Variants in HNRNPK observed in about 807,000 individuals in gnomAD.
The protein encoded by HNRNPK is heterogeneous nuclear ribonucleoprotein K.
Under a neutral mutation model 67.0 loss-of-function variants are expected in HNRNPK, and 7 were observed. That is an observed-to-expected ratio of 0.10 (90% CI 0.06 to 0.20). HNRNPK has a LOEUF of 0.20. HNRNPK is among the 10% of genes least tolerant of loss of function. The pLI is 1.00. For missense variants in HNRNPK, 264 were observed against 606.5 expected (o/e 0.44, Z 5.93); for synonymous variants, 213 against 193.7 (o/e 1.10, Z -0.83).
intron 6 of HNRNPK, 62 bp from the exon 7 acceptor site, chr9:83,974,651 G>T (rs1956996235): frequency 9.1e-7 from 1 of 1,096,522 alleles, no homozygotes; most frequent in Non-Finnish European, 1.4e-6. Context: ...TGAGTTTTGT[G>T]TTTGTCACCA....
intron 5 of HNRNPK, among the ~76,000 whole-genome samples, chr9:83,976,269 A>G (rs1246628445): frequency 6.6e-6 from 1 of 152,236 alleles, no homozygotes; most frequent in Non-Finnish European, 1.5e-5. Context: ...AGTACTCGAC[A>G]CAAAGTTATT....
chr9:83,974,097 T>C, intron 7 of HNRNPK, 124 bp from the exon 8 acceptor site: 1 of 603,248 alleles, frequency 1.7e-6, no homozygotes, highest in Non-Finnish European at 2.9e-6. Context: ...AGAAACTGCT[T>C]TATTCAACAT....
intron 7 of HNRNPK, 150 bp from the exon 8 acceptor site, chr9:83,974,123 CATAAAAT>C (rs2133043030): frequency 3.7e-6 from 2 of 544,470 alleles, no homozygotes; most frequent in Non-Finnish European, 6.5e-6. Context: ...CGATTCAAAA[CATAAAAT>C]ATTTTTCTCT....
intron 7 of HNRNPK, among the ~76,000 whole-genome samples, 180 bp from the exon 8 acceptor site, chr9:83,974,153 T>G (rs1428978434): frequency 6.6e-6 from 1 of 152,178 alleles, no homozygotes; most frequent in Non-Finnish European, 1.5e-5. Context: ...ATACACCTAG[T>G]GAATTATGTA....
Position 83,968,335 on chromosome 9 carries a change from T to TGGTA in HNRNPK, c.*1068_*1071dup, listed in dbSNP as rs2133001170. 6.6e-6 allele frequency: 1 copy of TGGTA among 151,910 alleles called. No homozygotes were observed. The highest frequency in any genetic ancestry group is 2.4e-5 in the African/African-American group (1 of 41,274). 9.4% of individuals were successfully genotyped at this position (151,910 alleles called of 1,614,324 possible). On this transcript the variant is annotated 3_prime_UTR_variant, in exon 17 of 17. Transcript: ENST00000376263. The stretch of plus-strand genomic sequence containing the variant: ...CATAATCCAACATACAACAGAGAAA[T>TGGTA]GGTACATCTTTTTCTTTCAATTTGC...
chr9:83,975,407 A>C, intron 6 of HNRNPK, 55 bp downstream of exon 6: 1 of 1,504,908 alleles, frequency 6.6e-7, no homozygotes, highest in Non-Finnish European at 9.3e-7. Context: ...GCAGGTAATA[A>C]AATACATTTC....
Position 83,969,186 on chromosome 9 carries a change from C to T in HNRNPK, c.*221G>A, listed in dbSNP as rs370696476. 2 of 564,326 alleles carry T rather than the reference C, an allele frequency of 3.5e-6. No homozygotes were observed. Among genetic ancestry groups the T allele is most frequent in the East Asian group, 2.8e-5 (1 of 35,562 alleles). The allele number at this position is 564,326 out of a possible 1,614,324, so 35.0% of individuals were successfully genotyped here. A position where few individuals can be genotyped will look rare whatever the true frequency, so the allele number is the denominator to read the frequency against. On this transcript the variant is annotated 3_prime_UTR_variant, in exon 17 of 17. Coordinates refer to ENST00000376263, the MANE Select transcript of HNRNPK (RefSeq NM_031263.4). ...GTTAGTTTTTGCACGCCCTTCCCCC[C>T]CCCAACCCTGTTTGTAAGGAACTAA...
intron 1 of HNRNPK, among the ~76,000 whole-genome samples, chr9:83,979,588 A>G (rs1957265758): frequency 1.3e-5 from 2 of 152,242 alleles, no homozygotes; most frequent in East Asian, 1.9e-4. Context: ...AGTCGACAGC[A>G]GAAGCACCGC....
intron 7 of HNRNPK, 135 bp from the exon 8 acceptor site, chr9:83,974,108 TAA>T: frequency 3.5e-6 from 2 of 567,022 alleles, no homozygotes; most frequent in South Asian, 2.7e-5. Flanking sequence ...TATTCAACAT[TAA>T]GACGATTCAA....
At chr9:83,978,781 T>C (rs537187411) in intron 1 of HNRNPK, among the ~76,000 whole-genome samples, 4 of 152,346 alleles carry the variant, frequency 2.6e-5, no homozygotes, top group African/African-American at 9.6e-5. Context: ...AAAGTTACAA[T>C]GCATCTTATT....
rs372982702 is a variant in HNRNPK, at chr9:83,969,737, A to G, written c.1362-297T>C. On this transcript the variant is annotated intron_variant, in intron 16 of 16. Transcript: ENST00000376263. Reference sequence around the variant, plus strand: ...GTGAAATGCTGCATTTTACAGCACCAATCATTTGTCCTGTAGAGGCATGGC... The same window carrying G: ...GTGAAATGCTGCATTTTACAGCACCGATCATTTGTCCTGTAGAGGCATGGC... The G allele has an allele frequency of 1.7e-5, 11 of 653,934 alleles. No homozygotes were observed. In the African/African-American group the frequency reaches 1.8e-4, roughly 11 times the overall value. 40.5% of individuals were successfully genotyped at this position (653,934 alleles called of 1,614,324 possible).
Position 83,969,297 on chromosome 9 carries a change from C to G in HNRNPK, c.*110G>C, listed in dbSNP as rs1956716280. The G allele has an allele frequency of 5.2e-6, 4 of 766,078 alleles. No individual in the cohort carries two copies. Among genetic ancestry groups the G allele is most frequent in the Admixed American group, 2.1e-5 (1 of 46,830 alleles). The allele number at this position is 766,078 out of a possible 1,614,324, so 47.5% of individuals were successfully genotyped here. A position where few individuals can be genotyped will look rare whatever the true frequency, so the allele number is the denominator to read the frequency against. On this transcript the variant is annotated 3_prime_UTR_variant, in exon 17 of 17. Transcript: ENST00000376263. ...AGCAGAGGAATGTTGGCTTTTTAAA[C>G]AGAAGCAGATAAAAAAAAAAAGATG...
chr9:83,974,840 G>A (rs1464940902), intron 6 of HNRNPK, among the ~76,000 whole-genome samples: 1 of 152,214 alleles, frequency 6.6e-6, no homozygotes. Flanking sequence ...CTCAGATTAA[G>A]TGGGCAATAA....
intron 10 of HNRNPK, among the ~76,000 whole-genome samples, chr9:83,972,641 T>C (rs1277700301): frequency 1.3e-5 from 2 of 152,210 alleles, no homozygotes; most frequent in South Asian, 2.1e-4. Context: ...TCAAAGGCTA[T>C]AGAAATACCA....
chr9:83,979,595 C>G (rs946949015), intron 1 of HNRNPK, among the ~76,000 whole-genome samples: 2 of 152,190 alleles, frequency 1.3e-5, no homozygotes, highest in African/African-American at 4.8e-5. Context: ...AGCAGAAGCA[C>G]CGCACCTCTC....
chr9:83,971,757 C>T (rs774760515), intron 11 of HNRNPK, 31 bp from the exon 12 acceptor site: 108 of 1,605,308 alleles, frequency 6.7e-5, no homozygotes, highest in South Asian at 1.7e-4. Flanking sequence ...GTAATCTAAA[C>T]GTGCTTACAT....
Position 83,970,916 on chromosome 9 carries a change from A to C in HNRNPK, c.1093-4T>G, listed in dbSNP as rs1428639417. ...ACTTACCATATCCGGAGCCACCCTA[A>C]AAACAGAAAGAAAAAAATAGAAAAT... is the stretch of plus-strand genomic sequence containing the variant. On this transcript the variant is annotated splice_region_variant and splice_polypyrimidine_tract_variant and intron_variant, in intron 13 of 16. Transcript: ENST00000376263. The C allele has an allele frequency of 1.9e-6, 3 of 1,612,340 alleles. No individual in the cohort carries two copies. The highest frequency in any genetic ancestry group is 2.5e-6 in the Non-Finnish European group (3 of 1,178,656).
chr9:83,971,417 AAT>A (rs931479165), intron 12 of HNRNPK, 61 bp from the exon 13 acceptor site: 4 of 1,133,460 alleles, frequency 3.5e-6, no homozygotes, highest in Non-Finnish European at 5.4e-6. Flanking sequence ...AGCTGTTTTT[AAT>A]ATGCCTAATT....
In HNRNPK at chr9:83,970,879, A is replaced by G; in HGVS notation, c.1108+18T>C. 6.2e-7 allele frequency: 1 copy of G among 1,612,106 alleles called. No homozygotes were observed. Among genetic ancestry groups the G allele is most frequent in the African/African-American group, 1.3e-5 (1 of 75,022 alleles). On this transcript the variant is annotated intron_variant, in intron 14 of 16. Transcript: ENST00000376263. ...AAGTATGAAATTAATGTTTGACTTC[A>G]CAAAGGAGAGAACTTACCATATCCG... is the stretch of plus-strand genomic sequence containing the variant.
Sources: gnomAD v4.1 joint callset for allele counts (sites outside exome capture counted in the v4.1 genomes callset) on GRCh38, gnomAD v4.1.1 for gene constraint, MANE v1.5 for transcripts, NCBI Gene and HGNC (gene_info 2026-07-23, HGNC 2026-07-21) for gene names.